The following EIF3K variants were observed in gnomAD, a reference collection of about 807,000 sequenced individuals.
EIF3K encodes eukaryotic translation initiation factor 3 subunit K.
A neutral mutation model predicts 34.2 loss-of-function variants in EIF3K; 27 were observed. The observed-to-expected ratio is 0.79, with a 90% CI of 0.58 to 1.09. The LOEUF (loss-of-function observed/expected upper bound fraction) is 1.09. Among genes scored for constraint, EIF3K ranks in the 50% least tolerant of loss-of-function variants. The probability of loss-of-function intolerance (pLI) is 0.00; values close to 1 mark genes in which losing one functional copy is unlikely to be tolerated. For synonymous variants in EIF3K, 105 were observed against 105.7 expected, an observed-to-expected ratio of 0.99 and a Z score of 0.04; for missense variants, 232 against 275.4, an observed-to-expected ratio of 0.84 and a Z score of 1.11.
intron 2 of EIF3K, among the ~76,000 whole-genome samples, chr19:38,622,499 A>G (rs1318864646): frequency 6.6e-6 from 1 of 152,230 alleles, no homozygotes; most frequent in Non-Finnish European, 1.5e-5. Flanking sequence ...TTAACAGGGT[A>G]ATAGAATATC....
Position 38,632,366 on chromosome 19 carries a change from TAAATAA to T in EIF3K, c.355-55_355-50del. ...CGTAGTGAGACCCCATCTCTATAAA[TAAATAA>T]AAATAAAAGCAAATAATTTAAAAGA... On this transcript the variant is annotated intron_variant, in intron 4 of 7. Transcript: ENST00000248342. The T allele has an allele frequency of 3.3e-6, 5 of 1,510,644 alleles. No individual in the cohort carries two copies. The South Asian group carries it at 4.6e-5, about 14-fold the overall frequency. The allele number at this position is 1,510,644 out of a possible 1,614,324, so 93.6% of individuals were successfully genotyped here.
chr19:38,631,866 T>C (rs1010887652), intron 4 of EIF3K, among the ~76,000 whole-genome samples: 11 of 152,204 alleles, frequency 7.2e-5, no homozygotes, highest in Admixed American at 3.3e-4. Flanking sequence ...TCAAGGAGCA[T>C]GCTGCCTTCA....
At chr19:38,626,506 T>C (rs547284556) in intron 4 of EIF3K, among the ~76,000 whole-genome samples, 11 of 152,078 alleles carry the variant, frequency 7.2e-5, no homozygotes, top group Non-Finnish European at 1.5e-4. Flanking sequence ...TGAAAATTAA[T>C]TGGGTGTGGT....
rs770913678 is a variant in EIF3K, at chr19:38,632,588, C to G, written c.422-13C>G. ...GGACAGCTGCTCACCGGTTTTGTCT[C>G]TGACCTCCACAGTTATCTGCCATGT... On this transcript the variant is annotated splice_polypyrimidine_tract_variant and intron_variant, in intron 5 of 7. Coordinates refer to ENST00000248342, the MANE Select transcript of EIF3K (RefSeq NM_013234.4). 1.9e-6 allele frequency: 3 copies of G among 1,613,654 alleles called. No individual in the cohort carries two copies. The South Asian group carries it at 3.3e-5, about 18-fold the overall frequency.
intron 4 of EIF3K, among the ~76,000 whole-genome samples, chr19:38,629,016 C>G (rs904950382): frequency 6.6e-6 from 1 of 152,122 alleles, no homozygotes; most frequent in Non-Finnish European, 1.5e-5. Flanking sequence ...GCACCTGTTC[C>G]TATCCCAGAC....
intron 2 of EIF3K, among the ~76,000 whole-genome samples, chr19:38,622,843 C>T (rs1180753453): frequency 6.6e-6 from 1 of 152,242 alleles, no homozygotes; most frequent in Non-Finnish European, 1.5e-5. Context: ...AGCGATATTT[C>T]TCCCATTTGC....
chr19:38,636,889 G>A lies in EIF3K; in HGVS notation c.626G>A (p.Ser209Asn). Reference protein sequence around the residue: ...KNIVEKIDFDSVSSIMASSQ With the variant: ...KNIVEKIDFDNVSSIMASSQ ...CAGTCTGGTCTCTCCTTCCCCACAGGTGTGTCCAGCATCATGGCCTCCTCC... is the reference window on the plus strand; with the variant it reads ...CAGTCTGGTCTCTCCTTCCCCACAGATGTGTCCAGCATCATGGCCTCCTCC... Residue 209 changes from serine to asparagine, a missense_variant and splice_region_variant, in exon 8 of 8, where the codon AGT becomes AAT. Ser to Asn is a conservative substitution (Grantham distance 46, BLOSUM62 1). Coordinates refer to ENST00000248342, the MANE Select transcript of EIF3K (RefSeq NM_013234.4). 1.2e-6 allele frequency: 2 copies of A among 1,614,104 alleles called. No individual in the cohort carries two copies. Among genetic ancestry groups the A allele is most frequent in the Non-Finnish European group, 1.7e-6 (2 of 1,180,018 alleles).
chr19:38,632,716 T>G, intron 6 of EIF3K, 38 bp downstream of exon 6: 2 of 1,575,120 alleles, frequency 1.3e-6, no homozygotes, highest in Non-Finnish European at 1.7e-6. Flanking sequence ...TCTGGGAGGT[T>G]GGGGGTGGCT....
At position 38,619,196 on chromosome 19, in the gene EIF3K, G is replaced by C; in HGVS notation, c.-73G>C. Reference sequence around the variant, plus strand: ...GTTTCCGTTTCCACCACCTCTTCCTGTTCCCGTCCTTGAGGACGCCGTGCC... The same window carrying C: ...GTTTCCGTTTCCACCACCTCTTCCTCTTCCCGTCCTTGAGGACGCCGTGCC... On this transcript the variant is annotated 5_prime_UTR_variant, in exon 1 of 8. Transcript: ENST00000248342. 1.3e-6 allele frequency: 2 copies of C among 1,557,224 alleles called. No homozygotes were observed. The highest frequency in any genetic ancestry group is 1.8e-6 in the Non-Finnish European group (2 of 1,134,854).
At chr19:38,627,675 CAA>C (rs950887744) in intron 4 of EIF3K, among the ~76,000 whole-genome samples, 4 of 136,344 alleles carry the variant, frequency 2.9e-5, no homozygotes, top group African/African-American at 5.4e-5. Context: ...GACTCCGTCT[CAA>C]AAAAAAAAAA....
intron 3 of EIF3K, among the ~76,000 whole-genome samples, chr19:38,625,084 G>A (rs139048384): frequency 3.9e-5 from 6 of 152,274 alleles, no homozygotes; most frequent in African/African-American, 1.4e-4. Flanking sequence ...AGAGCTCGGT[G>A]CTGTCTTTCA....
chr19:38,620,587 G>A, intron 2 of EIF3K, 152 bp downstream of exon 2: 6 of 723,226 alleles, frequency 8.3e-6, no homozygotes, highest in Non-Finnish European at 1.4e-5. Context: ...GGGACAGGAG[G>A]AGGGATGGTT....
At position 38,619,239 on chromosome 19, in the gene EIF3K, C is replaced by T; in HGVS notation, c.-30C>T. On this transcript the variant is annotated 5_prime_UTR_variant, in exon 1 of 8. Transcript: ENST00000248342. ...GCCGTGCCGGGTCAGTGTTAGCCTC[C>T]AGCCCTGGTTGTGGAAGGCGACAGA... 6.2e-7 allele frequency: 1 copy of T among 1,613,428 alleles called. No individual in the cohort carries two copies. The highest frequency in any genetic ancestry group is 8.5e-7 in the Non-Finnish European group (1 of 1,179,550).
At chr19:38,633,027 C>G (rs1976104036) in intron 6 of EIF3K, 1 of 241,386 alleles carries the variant, frequency 4.1e-6, no homozygotes, top group East Asian at 9.2e-5. Flanking sequence ...TGAAGGAAAG[C>G]AAGACAGCTC....
intron 6 of EIF3K, among the ~76,000 whole-genome samples, chr19:38,634,614 G>A (rs1406831275): frequency 1.3e-5 from 2 of 152,002 alleles, no homozygotes; most frequent in East Asian, 3.9e-4. Flanking sequence ...AAAAAAAAGT[G>A]TATTGTTTCT....
chr19:38,624,835 ATGTC>A (rs907610530), intron 3 of EIF3K, among the ~76,000 whole-genome samples: 1 of 152,156 alleles, frequency 6.6e-6, no homozygotes, highest in African/African-American at 2.4e-5. Context: ...CTATAGAACA[ATGTC>A]TGGAAAGGTG....
At chr19:38,635,158 G>GTCCTCT in intron 7 of EIF3K, 40 bp downstream of exon 7, 1 of 1,613,580 alleles carries the variant, frequency 6.2e-7, no homozygotes, top group South Asian at 1.1e-5. Flanking sequence ...GGGGCTAAGG[G>GTCCTCT]GGTGCCCCTC....
chr19:38,632,520 C>T (rs1342796302), intron 5 of EIF3K, 24 bp downstream of exon 5: 5 of 1,613,578 alleles, frequency 3.1e-6, no homozygotes, highest in Non-Finnish European at 3.4e-6. Context: ...TGAGGCTGGG[C>T]TCCCCAAGGG....
chr19:38,626,305 C>A, intron 4 of EIF3K: 1 of 597,932 alleles, frequency 1.7e-6, no homozygotes, highest in African/African-American at 1.9e-5. Context: ...GAGGCCGACC[C>A]TTTCCCCTTT....
Sources: gnomAD v4.1 joint callset for allele counts (sites outside exome capture counted in the v4.1 genomes callset) on GRCh38, gnomAD v4.1.1 for gene constraint, MANE v1.5 for transcripts, NCBI Gene and HGNC (gene_info 2026-07-23, HGNC 2026-07-21) for gene names.